CLIP4: variants seen among roughly 807,000 people sequenced by gnomAD.
CLIP4 encodes CAP-Gly domain-containing linker protein 4.
A neutral mutation model predicts 73.1 loss-of-function variants in CLIP4; 47 were observed. That is an observed-to-expected ratio of 0.64 (90% CI 0.51 to 0.82). CLIP4 has a LOEUF of 0.82. CLIP4 is among the 40% of genes least tolerant of loss of function. The pLI, the probability that CLIP4 is intolerant of heterozygous loss-of-function variation, is 0.00. For synonymous variants in CLIP4, 306 were observed against 295.4 expected, an observed-to-expected ratio of 1.04 and a Z score of -0.37; for missense variants, 874 against 852.9, an observed-to-expected ratio of 1.02 and a Z score of -0.31.
At chr2:29,158,895 A>T (rs1402434201) in intron 11 of CLIP4, among the ~76,000 whole-genome samples, 1 of 152,168 alleles carries the variant, frequency 6.6e-6, no homozygotes, top group Non-Finnish European at 1.5e-5. Flanking sequence ...TTGGCCTCCT[A>T]AAGTGCTGGG....
rs765440205 is a variant in CLIP4, at chr2:29,181,608, C to T, written c.1833C>T (p.Thr611=). The change falls in exon 16 of 16, where the codon ACC becomes ACT. Residue 611 remains threonine, a synonymous_variant. Coordinates refer to ENST00000320081, the MANE Select transcript of CLIP4 (RefSeq NM_024692.6). ...KAALRRSWSS[T]PTAGGIEGSV... ...CTTTGCGTCGCAGTTGGAGCAGCAC[C>T]CCCACCGCAGGTGGCATTGAAGGGA... The T allele has an allele frequency of 6.2e-7, 1 of 1,612,820 alleles. No homozygotes were observed. Among genetic ancestry groups the T allele is most frequent in the Non-Finnish European group, 8.5e-7 (1 of 1,179,036 alleles).
Position 29,133,829 on chromosome 2 carries a change from A to G in CLIP4, c.529+13A>G, listed in dbSNP as rs781743043. The G allele has an allele frequency of 6.9e-6, 11 of 1,589,428 alleles. No homozygotes were observed. The East Asian group carries it at 2.5e-4, about 36-fold the overall frequency. On this transcript the variant is annotated intron_variant, in intron 5 of 15. Coordinates refer to ENST00000320081, the MANE Select transcript of CLIP4 (RefSeq NM_024692.6). ...TCGAAACCAAAAGGCAAGTATTATA[A>G]GATCACCTTTAGATATTATTAACTG...
At chr2:29,138,260 G>A (rs1037165679) in intron 6 of CLIP4, among the ~76,000 whole-genome samples, 1 of 152,092 alleles carries the variant, frequency 6.6e-6, no homozygotes, top group Non-Finnish European at 1.5e-5. Context: ...TATGAGTAGA[G>A]TGTCCTTTCC....
chr2:29,129,631 A>AT lies in CLIP4; in HGVS notation c.134-1617dup, dbSNP rs1022304821. Among the ~76,000 whole-genome samples the AT allele has an allele frequency of 3.5e-4, 52 of 149,876 alleles. 1 individual carries two copies. In the East Asian group the frequency reaches 7.4e-3, roughly 21 times the overall value. ...AGATGGCTACAGCTTTTTAGTGAAG[A>AT]TTTTTTTTTTATTTGAGTGCTGTAG... On this transcript the variant is annotated intron_variant, in intron 2 of 15. Coordinates refer to ENST00000320081, the MANE Select transcript of CLIP4 (RefSeq NM_024692.6).
At chr2:29,175,229 A>G (rs1167634471) in intron 15 of CLIP4, 1 of 152,254 alleles carries the variant, frequency 6.6e-6, no homozygotes, top group Admixed American at 6.5e-5. Context: ...GGCAAGCTTC[A>G]CAGAGATCTG....
intron 9 of CLIP4, among the ~76,000 whole-genome samples, chr2:29,155,917 T>C (rs1360257444): frequency 1.3e-5 from 2 of 152,250 alleles, no homozygotes; most frequent in Non-Finnish European, 2.9e-5. Context: ...GGCATCCCTG[T>C]CTGAAGTGTT....
At chr2:29,151,079 T>C (rs556420945) in intron 8 of CLIP4, among the ~76,000 whole-genome samples, 73 of 152,320 alleles carry the variant, frequency 4.8e-4, no homozygotes, top group African/African-American at 1.7e-3. Flanking sequence ...GATGACATAT[T>C]CAGATATACA....
At chr2:29,178,422 C>T (rs1668465636) in intron 15 of CLIP4, among the ~76,000 whole-genome samples, 5 of 152,092 alleles carry the variant, frequency 3.3e-5, no homozygotes, top group Admixed American at 3.3e-4. Context: ...CTCAGGTGAT[C>T]CACCTGCCTC....
chr2:29,105,624 G>A (rs2148435910), intron 1 of CLIP4, among the ~76,000 whole-genome samples: 1 of 152,302 alleles, frequency 6.6e-6, no homozygotes, highest in African/African-American at 2.4e-5. Flanking sequence ...TCTTACCATG[G>A]GTCTGCTCCA....
intron 2 of CLIP4, among the ~76,000 whole-genome samples, chr2:29,124,894 A>G (rs955945326): frequency 4.6e-5 from 7 of 152,192 alleles, no homozygotes; most frequent in African/African-American, 1.7e-4. Context: ...CTCTAGGTCT[A>G]TTATTCCCCT....
intron 1 of CLIP4, among the ~76,000 whole-genome samples, chr2:29,120,416 A>C (rs1664174860): frequency 6.6e-6 from 1 of 152,156 alleles, no homozygotes; most frequent in Non-Finnish European, 1.5e-5. Context: ...AGGGTTGGTT[A>C]AGTAGAACAG....
At chr2:29,105,479 C>A (rs571198312) in intron 1 of CLIP4, among the ~76,000 whole-genome samples, 2 of 152,272 alleles carry the variant, frequency 1.3e-5, no homozygotes, top group Admixed American at 6.5e-5. Context: ...ACTCCTCAGT[C>A]TTTCTCTCTT....
chr2:29,143,663 T>G (rs780245898), intron 6 of CLIP4, 46 bp from the exon 7 acceptor site: 1 of 1,232,008 alleles, frequency 8.1e-7, no homozygotes, highest in Admixed American at 1.8e-5. Flanking sequence ...GACTTTCTAG[T>G]GCTCTAAGTA....
intron 1 of CLIP4, among the ~76,000 whole-genome samples, chr2:29,116,773 A>G (rs1663884963): frequency 6.6e-6 from 1 of 152,248 alleles, no homozygotes; most frequent in Non-Finnish European, 1.5e-5. Context: ...CTAGCCATGC[A>G]TGGAATGTGT....
chr2:29,175,235 A>T (rs1188908753), intron 15 of CLIP4: 1 of 152,208 alleles, frequency 6.6e-6, no homozygotes, highest in Non-Finnish European at 1.5e-5. Context: ...CTTCACAGAG[A>T]TCTGAAATTT....
intron 9 of CLIP4, among the ~76,000 whole-genome samples, chr2:29,153,173 C>CA (rs1025198413): frequency 2.0e-5 from 3 of 151,492 alleles, no homozygotes; most frequent in African/African-American, 4.8e-5. Context: ...TCTTTTTTAC[C>CA]AAAAAAAAGT....
chr2:29,129,756 A>T (rs984827656), intron 2 of CLIP4, among the ~76,000 whole-genome samples: 1 of 151,950 alleles, frequency 6.6e-6, no homozygotes, highest in Non-Finnish European at 1.5e-5. Flanking sequence ...GGCTTAGGAT[A>T]CTCCTCCTTC....
intron 8 of CLIP4, among the ~76,000 whole-genome samples, chr2:29,145,882 A>G (rs1023180677): frequency 2.0e-5 from 3 of 152,142 alleles, no homozygotes; most frequent in Non-Finnish European, 2.9e-5. Flanking sequence ...GGGTTTCGCC[A>G]TGTTGGCCAG....
At chr2:29,108,427 C>T (rs138490297) in intron 1 of CLIP4, among the ~76,000 whole-genome samples, 245 of 152,162 alleles carry the variant, frequency 1.6e-3, no homozygotes, top group African/African-American at 5.5e-3. Flanking sequence ...AGATCCCAGG[C>T]GGGACGGGGC....
Sources: allele counts gnomAD v4.1 joint callset (sites outside exome capture counted in the v4.1 genomes callset), GRCh38; gene constraint gnomAD v4.1.1; transcripts MANE v1.5; gene names NCBI Gene and HGNC (gene_info 2026-07-23, HGNC 2026-07-21).